Variants in PELP1 observed in about 807,000 individuals in gnomAD.
PELP1 encodes proline-, glutamic acid- and leucine-rich protein 1.
PELP1 carries 32 observed loss-of-function variants against 95.5 expected under a neutral mutation model. The observed-to-expected ratio is 0.34, with a 90% CI of 0.25 to 0.45. PELP1 has a LOEUF of 0.45. Among genes scored for constraint, PELP1 ranks in the 20% least tolerant of loss-of-function variants. The probability of loss-of-function intolerance (pLI) is 1.00; values close to 1 mark genes in which losing one functional copy is unlikely to be tolerated. For missense variants in PELP1, 1,358 were observed against 1,444.8 expected, an observed-to-expected ratio of 0.94 and a Z score of 0.97; for synonymous variants, 668 against 600.1, an observed-to-expected ratio of 1.11 and a Z score of -1.65.
At chr17:4,685,760 TC>T (rs1254709081) in intron 3 of PELP1, among the ~76,000 whole-genome samples, 1 of 143,958 alleles carries the variant, frequency 6.9e-6, no homozygotes, top group Non-Finnish European at 1.5e-5. Context: ...ACCACTATAT[TC>T]TAGCCCAGGT....
intron 1 of PELP1, among the ~76,000 whole-genome samples, chr17:4,701,340 C>A (rs1913527361): frequency 6.6e-6 from 1 of 151,444 alleles, no homozygotes; most frequent in Non-Finnish European, 1.5e-5. Context: ...GGTGGGGGCA[C>A]TGCACAGGGA....
intron 5 of PELP1, 137 bp from the exon 6 acceptor site, chr17:4,676,949 G>A: frequency 3.1e-6 from 2 of 652,888 alleles, no homozygotes; most frequent in South Asian, 3.8e-5. Flanking sequence ...AGCCCTCTAT[G>A]GGGCATCAAC....
At position 4,689,981 on chromosome 17, in the gene PELP1, G is replaced by A. The variant is rs530889249; in HGVS notation, c.420+907C>T. 7.2e-5 allele frequency among the ~76,000 whole-genome samples: 11 copies of A among 152,112 alleles called. No individual in the cohort carries two copies. The East Asian group carries it at 7.8e-4, about 11-fold the overall frequency. ...GCAGAGGTTGCAGTGAGCTGAGAGC[G>A]CGCCACTGCACTCCAGCCTGGGCGA... On this transcript the variant is annotated intron_variant, in intron 3 of 16. Transcript: ENST00000572293.
intron 3 of PELP1, among the ~76,000 whole-genome samples, chr17:4,689,850 A>AC (rs1567666466): frequency 6.6e-6 from 1 of 152,136 alleles, no homozygotes; most frequent in Non-Finnish European, 1.5e-5. Flanking sequence ...ACATGGTGAA[A>AC]CCCCATCTCT....
rs960586253 is a variant in PELP1 at position 4,675,043 on chromosome 17, C to T, written c.1274+36G>A. ...CACCTGCACCCCCTCACCCCCCTCT[C>T]CTCTTTATTCCCTTCCTGCCTTCCT... On this transcript the variant is annotated intron_variant, in intron 11 of 16. Coordinates refer to ENST00000572293, the MANE Select transcript of PELP1 (RefSeq NM_014389.3). The surrounding 1 kb of genome is among the most constrained non-coding windows in gnomAD (Gnocchi z 4.3). 1 of 1,609,270 alleles carries T rather than the reference C, an allele frequency of 6.2e-7. No individual in the cohort carries two copies. Among genetic ancestry groups the T allele is most frequent in the African/African-American group, 1.3e-5 (1 of 74,834 alleles).
At chr17:4,690,283 G>A (rs560436523) in intron 3 of PELP1, among the ~76,000 whole-genome samples, 4 of 152,116 alleles carry the variant, frequency 2.6e-5, no homozygotes, top group Admixed American at 2.6e-4. Context: ...CGGAAATGTG[G>A]GAGATGGGTG....
chr17:4,676,268 A>C (rs1912471635), intron 7 of PELP1, 89 bp downstream of exon 7: 1 of 1,577,284 alleles, frequency 6.3e-7, no homozygotes, highest in African/African-American at 1.3e-5. Context: ...CCCAAAAACC[A>C]ACTGCCCCAT....
chr17:4,685,789 T>C (rs1412662245), intron 3 of PELP1, among the ~76,000 whole-genome samples: 2 of 8,782 alleles, frequency 2.3e-4, no homozygotes, highest in African/African-American at 6.3e-4. Context: ...TGAAACCATG[T>C]CTTAAAAAAA....
At chr17:4,691,262 T>C in intron 2 of PELP1, 116 bp downstream of exon 2, 1 of 788,496 alleles carries the variant, frequency 1.3e-6, no homozygotes, top group South Asian at 1.6e-5. Context: ...TCCACACTCT[T>C]GGGAATAGAG....
Position 4,675,860 on chromosome 17 carries a change from G to A in PELP1, c.1005C>T (p.Ser335=), listed in dbSNP as rs372273140. 11 of 1,591,622 alleles carry A rather than the reference G, an allele frequency of 6.9e-6. No homozygotes were observed. Among genetic ancestry groups the A allele is most frequent in the Middle Eastern group, 1.6e-4 (1 of 6,064 alleles). Residue 335 remains serine (S), a synonymous_variant, in exon 9 of 17, where the codon TCC becomes TCT. Coordinates refer to ENST00000572293, the MANE Select transcript of PELP1 (RefSeq NM_014389.3). This position sits in a 1 kb window ranked among gnomAD's most constrained non-coding sequence, Gnocchi z 4.3. ...AATCCAGGATTTCCTGCACAGGGACGGACACGGGAGCTCCAAACTCAGAGC... is the reference window on the plus strand; with the variant it reads ...AATCCAGGATTTCCTGCACAGGGACAGACACGGGAGCTCCAAACTCAGAGC... The part of the protein sequence containing the change: ...MLSSEFGAPV[S]VPVQEILDFI...
Position 4,675,649 on chromosome 17 carries a change from T to C in PELP1, c.1068+148A>G. ...CACTGTGCTCCTGTGTCACGACACATAGGAAGTGATGTTATTTGGACAAAA... is the reference window on the plus strand; with the variant it reads ...CACTGTGCTCCTGTGTCACGACACACAGGAAGTGATGTTATTTGGACAAAA... On this transcript the variant is annotated intron_variant, in intron 9 of 16. Coordinates refer to ENST00000572293, the MANE Select transcript of PELP1 (RefSeq NM_014389.3). This position sits in a 1 kb window ranked among gnomAD's most constrained non-coding sequence, Gnocchi z 4.3. 1 of 726,746 alleles carries C rather than the reference T, an allele frequency of 1.4e-6. No homozygotes were observed. The highest frequency in any genetic ancestry group is 2.5e-6 in the Non-Finnish European group (1 of 396,068). 45.0% of individuals were successfully genotyped at this position (726,746 alleles called of 1,614,324 possible).
chr17:4,700,836 G>A (rs1260177949), intron 1 of PELP1, among the ~76,000 whole-genome samples: 1 of 151,012 alleles, frequency 6.6e-6, no homozygotes, highest in African/African-American at 2.4e-5. Context: ...GAGGTGGAAG[G>A]ATTACTTGAA....
At chr17:4,690,105 CA>C (rs2150562304) in intron 3 of PELP1, among the ~76,000 whole-genome samples, 1 of 152,144 alleles carries the variant, frequency 6.6e-6, no homozygotes, top group South Asian at 2.1e-4. Flanking sequence ...TAAAAAGGAA[CA>C]AAATAATGGC....
chr17:4,699,012 T>C (rs982284933), intron 1 of PELP1, among the ~76,000 whole-genome samples: 4 of 152,216 alleles, frequency 2.6e-5, no homozygotes, highest in Admixed American at 6.6e-5. Flanking sequence ...TTTTCAAATG[T>C]GCATTTATGT....
In PELP1 at chr17:4,673,054, G is replaced by A; in HGVS notation, c.1937C>T (p.Pro646Leu). Residue 646 changes from proline to leucine, a missense_variant, in exon 16 of 17, where the codon CCC (proline) becomes CTC (leucine). Physicochemically the swap from Pro to Leu is moderately conservative, Grantham distance 98. Coordinates refer to ENST00000572293, the MANE Select transcript of PELP1 (RefSeq NM_014389.3). This position sits in a 1 kb window ranked among gnomAD's most constrained non-coding sequence, Gnocchi z 5.7. ...PPLQPMGPTC[P>L]TPAPVPPPEA... ...AGGAGGGGGAACTGGAGCAGGTGTG[G>A]GGCAGGTGGGGCCCATGGGCTGCAG... is the stretch of plus-strand genomic sequence containing the variant. 6.5e-7 allele frequency: 1 copy of A among 1,530,126 alleles called. No homozygotes were observed. Among genetic ancestry groups the A allele is most frequent in the South Asian group, 1.3e-5 (1 of 76,192 alleles). The allele number at this position is 1,530,126 out of a possible 1,614,324, so 94.8% of individuals were successfully genotyped here. A position where few individuals can be genotyped will look rare whatever the true frequency, so the allele number is the denominator to read the frequency against.
chr17:4,681,261 G>A (rs1379531786), intron 5 of PELP1, among the ~76,000 whole-genome samples: 1 of 152,196 alleles, frequency 6.6e-6, no homozygotes, highest in Non-Finnish European at 1.5e-5. Flanking sequence ...GAGGCGGGAG[G>A]ATCACGTGGG....
At position 4,672,886 on chromosome 17, in the gene PELP1, G is replaced by A. The variant is rs778957081; in HGVS notation, c.2105C>T (p.Pro702Leu). Reference sequence around the variant, plus strand: ...GCCTAGGTGGTTGGCTGTGGTGGGAGGTCCAGGGCGTGCCGAGGGCACAGG... The same window carrying A: ...GCCTAGGTGGTTGGCTGTGGTGGGAAGTCCAGGGCGTGCCGAGGGCACAGG... Reference protein sequence around the residue: ...AGPVPSARPGPPTTANHLGLS... With the variant: ...AGPVPSARPGLPTTANHLGLS... The change falls in exon 16 of 17, where the codon CCT (proline) becomes CTT (leucine). Residue 702 changes from proline to leucine, a missense_variant. Pro to Leu is a moderately conservative substitution (Grantham distance 98). Transcript: ENST00000572293. The A allele has an allele frequency of 6.2e-7, 1 of 1,613,806 alleles. No individual in the cohort carries two copies. Among genetic ancestry groups the A allele is most frequent in the Admixed American group, 1.7e-5 (1 of 59,996 alleles).
intron 1 of PELP1, chr17:4,696,832 T>A (rs1913318524): frequency 6.6e-6 from 1 of 151,942 alleles, no homozygotes; most frequent in South Asian, 2.1e-4. Context: ...GGGTCCAAGA[T>A]AATGCCAAGG....
chr17:4,699,750 C>T (rs1913444833), intron 1 of PELP1, among the ~76,000 whole-genome samples: 2 of 151,844 alleles, frequency 1.3e-5, no homozygotes, highest in South Asian at 4.2e-4. Context: ...CCACGCCCAG[C>T]TAATTTTTGC....
Sources: gnomAD v4.1 joint callset for allele counts (sites outside exome capture counted in the v4.1 genomes callset) on GRCh38, gnomAD v4.1.1 for gene constraint, Gnocchi (gnomAD v3.1) non-coding constraint, MANE v1.5 for transcripts, NCBI Gene and HGNC (gene_info 2026-07-23, HGNC 2026-07-21) for gene names.